Variants in PCDHGB3 observed in about 807,000 individuals in gnomAD.
PCDHGB3 encodes the protein protocadherin gamma subfamily B, 3.
PCDHGB3 carries 40 observed loss-of-function variants against 59.2 expected under a neutral mutation model. The ratio of observed to expected loss-of-function variants is 0.68; its 90% CI spans 0.52 to 0.88. The LOEUF is 0.88. Ranked by LOEUF, PCDHGB3 falls within the 40% of genes least tolerant of loss-of-function variation. The pLI is 0.00. For synonymous variants in PCDHGB3, 581 were observed against 503.6 expected (o/e 1.15, Z -2.06); for missense variants, 1,309 against 1,187.9 (o/e 1.10, Z -1.50).
intron 1 of PCDHGB3, chr5:141,415,608 T>C (rs1391331847): frequency 6.2e-7 from 1 of 1,613,366 alleles, no homozygotes; most frequent in Non-Finnish European, 8.5e-7. Flanking sequence ...CCCCATTGGT[T>C]CCAGTGAGTT....
Position 141,370,887 on chromosome 5 carries a change from A to G in PCDHGB3, c.493A>G (p.Asn165Asp). 1 of 1,614,024 alleles carries G rather than the reference A, an allele frequency of 6.2e-7. No homozygotes were observed. Among genetic ancestry groups the G allele is most frequent in the South Asian group, 1.1e-5 (1 of 91,086 alleles). The change falls in exon 1 of 4, where the codon AAT (asparagine) becomes GAT (aspartate). Residue 165 changes from asparagine to aspartate, a missense_variant. Physicochemically the swap from Asn to Asp is conservative, Grantham distance 23. Transcript: ENST00000576222. Reference sequence around the variant, plus strand: ...TGCGCAAGATCCTGATGTAGGTGTCAATTCGCTGCAGCAGTACTACCTCAG... The same window carrying G: ...TGCGCAAGATCCTGATGTAGGTGTCGATTCGCTGCAGCAGTACTACCTCAG... Reference protein sequence around the residue: ...ESAQDPDVGVNSLQQYYLSPD... With the variant: ...ESAQDPDVGVDSLQQYYLSPD...
intron 1 of PCDHGB3, chr5:141,440,169 C>A (rs891186588): frequency 1.3e-5 from 2 of 152,218 alleles, no homozygotes; most frequent in Non-Finnish European, 2.9e-5. Flanking sequence ...TGGGCCATAA[C>A]GCTTTGAAAT....
In PCDHGB3 at chr5:141,510,353, C is replaced by G. The variant is rs74759939; in HGVS notation, c.2564-594C>G. On this transcript the variant is annotated intron_variant, in intron 3 of 3. Transcript: ENST00000576222. ...CACCCCCACCCCACACACTTACTAA[C>G]GGAACTACCGAATCTCTACTCGTGC... is the stretch of plus-strand genomic sequence containing the variant. Among the ~76,000 whole-genome samples the G allele has an allele frequency of 1.9e-4, 28 of 146,588 alleles. No homozygotes were observed. The East Asian group carries it at 5.6e-3, about 29-fold the overall frequency.
chr5:141,461,027 C>G (rs993151622), intron 1 of PCDHGB3, among the ~76,000 whole-genome samples: 2 of 150,168 alleles, frequency 1.3e-5, no homozygotes, highest in Non-Finnish European at 3.0e-5. Flanking sequence ...TTTTCTTTAT[C>G]CACTCATTAG....
intron 1 of PCDHGB3, among the ~76,000 whole-genome samples, chr5:141,437,360 G>T (rs1432098876): frequency 6.6e-6 from 1 of 152,144 alleles, no homozygotes; most frequent in Non-Finnish European, 1.5e-5. Context: ...ACCTAAAATT[G>T]GAATGTAATC....
intron 1 of PCDHGB3, chr5:141,417,728 T>A: frequency 7.3e-7 from 1 of 1,373,610 alleles, no homozygotes; most frequent in Non-Finnish European, 9.6e-7. Flanking sequence ...GCGCAGACCT[T>A]GCCCAGCACA....
Position 141,371,593 on chromosome 5 carries a change from A to C in PCDHGB3, c.1199A>C (p.Asn400Thr), listed in dbSNP as rs758082937. The C allele has an allele frequency of 1.2e-6, 2 of 1,613,972 alleles. No individual in the cohort carries two copies. The highest frequency in any genetic ancestry group is 1.7e-6 in the Non-Finnish European group (2 of 1,179,876). Reference protein sequence around the residue: ...FPFKIVQDTKNTYRLVTDGAL... With the variant: ...FPFKIVQDTKTTYRLVTDGAL... The stretch of plus-strand genomic sequence containing the variant: ...TTTAAAATCGTTCAAGATACCAAAA[A>C]CACATACAGGTTGGTGACAGATGGA... The change falls in exon 1 of 4, where the codon AAC (asparagine) becomes ACC (threonine). Residue 400 changes from asparagine to threonine, a missense_variant. Coordinates refer to ENST00000576222, the MANE Select transcript of PCDHGB3 (RefSeq NM_018924.5).
chr5:141,476,574 G>A lies in PCDHGB3; in HGVS notation c.2416-18233G>A, dbSNP rs746783993. ...AGCGAGGCCGTGGCTCCGGGGACGC[G>A]CTTTCCGCTCGAGAGCGCGCACGAT... is the stretch of plus-strand genomic sequence containing the variant. On this transcript the variant is annotated intron_variant, in intron 1 of 3. Coordinates refer to ENST00000576222, the MANE Select transcript of PCDHGB3 (RefSeq NM_018924.5). The surrounding 1 kb of genome is among the most constrained non-coding windows in gnomAD (Gnocchi z 7.6). 40 of 1,614,084 alleles carry A rather than the reference G, an allele frequency of 2.5e-5. No homozygotes were observed. In the African/African-American group the frequency reaches 3.7e-4, roughly 15 times the overall value.
At chr5:141,376,676 G>GTTTTTTTTTTTTTTTTTTTTTT (rs67197835) in intron 1 of PCDHGB3, 1 of 275,800 alleles carries the variant, frequency 3.6e-6, no homozygotes, top group Non-Finnish European at 6.2e-6. Context: ...TGAGGGTATC[G>GTTTTTTTTTTTTTTTTTTTTTT]TTTTTTTTTT....
chr5:141,404,658 C>T, intron 1 of PCDHGB3: 2 of 1,614,198 alleles, frequency 1.2e-6, no homozygotes, highest in Non-Finnish European at 1.7e-6. Context: ...GCCCTCCCCA[C>T]TGATGGTTCT....
At chr5:141,461,408 CAT>C (rs1491314585) in intron 1 of PCDHGB3, among the ~76,000 whole-genome samples, 2 of 151,994 alleles carry the variant, frequency 1.3e-5, no homozygotes, top group South Asian at 2.1e-4. Flanking sequence ...AGCATTTTTT[CAT>C]ATGTTTGTGG....
Position 141,431,479 on chromosome 5 carries a change from A to T in PCDHGB3, c.2415+58670A>T. 1 of 1,613,892 alleles carries T rather than the reference A, an allele frequency of 6.2e-7. No individual in the cohort carries two copies. Among genetic ancestry groups the T allele is most frequent in the South Asian group, 1.1e-5 (1 of 91,092 alleles). On this transcript the variant is annotated intron_variant, in intron 1 of 3. Transcript: ENST00000576222. This position sits in a 1 kb window ranked among gnomAD's most constrained non-coding sequence, Gnocchi z 4.8. ...TTCTGGATGCGAACGACAACGCACC[A>T]GCGTTTGCTCAGCCCGAGTACCGCG...
At position 141,432,957 on chromosome 5, in the gene PCDHGB3, C is replaced by T. The variant is rs2097553676; in HGVS notation, c.2415+60148C>T. 1 of 1,614,190 alleles carries T rather than the reference C, an allele frequency of 6.2e-7. No individual in the cohort carries two copies. The highest frequency in any genetic ancestry group is 8.5e-7 in the Non-Finnish European group (1 of 1,180,030). ...CTGCAGGCTTCAGGAGGCGGCTTGA[C>T]AGGAGCGCCGGCGTCGCACTTTGTG... On this transcript the variant is annotated intron_variant, in intron 1 of 3. Coordinates refer to ENST00000576222, the MANE Select transcript of PCDHGB3 (RefSeq NM_018924.5). This position sits in a 1 kb window ranked among gnomAD's most constrained non-coding sequence, Gnocchi z 6.0.
intron 1 of PCDHGB3, chr5:141,398,594 T>C: frequency 6.2e-7 from 1 of 1,614,028 alleles, no homozygotes; most frequent in African/African-American, 1.3e-5. Flanking sequence ...ATACTAGAAG[T>C]AGCAGAAGAT....
At chr5:141,383,630 T>A in intron 1 of PCDHGB3, 3 of 1,613,986 alleles carry the variant, frequency 1.9e-6, no homozygotes, top group Non-Finnish European at 1.7e-6. Context: ...GTCTTCTCTC[T>A]GCCTCAGTAC....
At chr5:141,392,873 G>C (rs1280602911) in intron 1 of PCDHGB3, 1 of 1,613,382 alleles carries the variant, frequency 6.2e-7, no homozygotes, top group Admixed American at 1.7e-5. Flanking sequence ...GCGCGCTGCT[G>C]GGAACGCTGT....
chr5:141,485,095 TC>T lies in PCDHGB3; in HGVS notation c.2416-9710del, dbSNP rs1040164730. ...GCGCGGGGAAAGGGAGATAGGTGTCTCCAGCTGCTGTGGCTGTTTGGGGCGG... is the reference window on the plus strand; with the variant it reads ...GCGCGGGGAAAGGGAGATAGGTGTCTCAGCTGCTGTGGCTGTTTGGGGCGG... On this transcript the variant is annotated intron_variant, in intron 1 of 3. Coordinates refer to ENST00000576222, the MANE Select transcript of PCDHGB3 (RefSeq NM_018924.5). This position sits in a 1 kb window ranked among gnomAD's most constrained non-coding sequence, Gnocchi z 5.7. 6.8e-5 allele frequency: 76 copies of T among 1,115,798 alleles called. No homozygotes were observed. Among genetic ancestry groups the T allele is most frequent in the South Asian group, 4.6e-4 (33 of 71,042 alleles). The allele number at this position is 1,115,798 out of a possible 1,614,324, so 69.1% of individuals were successfully genotyped here. A position where few individuals can be genotyped will look rare whatever the true frequency, so the allele number is the denominator to read the frequency against.
At chr5:141,400,394 G>A in intron 1 of PCDHGB3, 2 of 1,614,072 alleles carry the variant, frequency 1.2e-6, no homozygotes, top group Non-Finnish European at 1.7e-6. Context: ...GCACATACAG[G>A]AAAGACGGAG....
chr5:141,419,332 C>A, intron 1 of PCDHGB3: 1 of 1,613,950 alleles, frequency 6.2e-7, no homozygotes, highest in South Asian at 1.1e-5. Context: ...CCTACTCTCT[C>A]ATTGCCAGCG....
Sources: gnomAD v4.1 joint callset for allele counts (sites outside exome capture counted in the v4.1 genomes callset) on GRCh38, gnomAD v4.1.1 for gene constraint, Gnocchi (gnomAD v3.1) non-coding constraint, MANE v1.5 for transcripts, NCBI Gene and HGNC (gene_info 2026-07-23, HGNC 2026-07-21) for gene names.